FAT4: variants seen among roughly 807,000 people sequenced by gnomAD.
FAT4 encodes the protein protocadherin Fat 4.
FAT4 carries 84 observed loss-of-function variants against 303.9 expected under a neutral mutation model. The ratio of observed to expected loss-of-function variants is 0.28; its 90% confidence interval spans 0.23 to 0.33. The LOEUF is 0.33. Ranked by LOEUF, FAT4 falls within the 10% of genes least tolerant of loss-of-function variation. The probability of loss-of-function intolerance (pLI) is 1.00; values close to 1 mark genes in which losing one functional copy is unlikely to be tolerated. For missense variants in FAT4, 6,005 were observed against 6,146.8 expected (o/e 0.98, Z 0.77); for synonymous variants, 2,307 against 2,298.8 (o/e 1.00, Z -0.10).
chr4:125,455,349 A>T (rs1560620180), intron 10 of FAT4, among the ~76,000 whole-genome samples: 2 of 152,154 alleles, frequency 1.3e-5, no homozygotes, highest in Admixed American at 6.5e-5. Context: ...TCTTTGTTTC[A>T]TTTCATTTAA....
intron 9 of FAT4, 122 bp downstream of exon 9, chr4:125,446,665 T>A: frequency 9.8e-7 from 1 of 1,019,880 alleles, no homozygotes; most frequent in Non-Finnish European, 1.3e-6. Context: ...GCAAATCCTC[T>A]AAAATTCAGG....
At chr4:125,323,764 A>G (rs1212859135) in intron 2 of FAT4, among the ~76,000 whole-genome samples, 1 of 152,218 alleles carries the variant, frequency 6.6e-6, no homozygotes, top group Non-Finnish European at 1.5e-5. Flanking sequence ...AAAATAAGTT[A>G]TACATTTCCT....
chr4:125,385,989 T>C (rs1245740197), intron 2 of FAT4, among the ~76,000 whole-genome samples: 1 of 152,194 alleles, frequency 6.6e-6, no homozygotes, highest in Non-Finnish European at 1.5e-5. Flanking sequence ...ATTTTTCATA[T>C]TGAAAAATTT....
At chr4:125,371,932 T>A (rs1233270657) in intron 2 of FAT4, among the ~76,000 whole-genome samples, 1 of 152,080 alleles carries the variant, frequency 6.6e-6, no homozygotes, top group African/African-American at 2.4e-5. Flanking sequence ...AATCACATAC[T>A]CATTGTTGGC....
chr4:125,454,733 T>C (rs988427963), intron 10 of FAT4, among the ~76,000 whole-genome samples: 4 of 152,110 alleles, frequency 2.6e-5, no homozygotes, highest in South Asian at 4.2e-4. Flanking sequence ...CTCAGGAGAC[T>C]GAGGCAGAGG....
At chr4:125,393,915 C>A in intron 2 of FAT4, 1 of 779,236 alleles carries the variant, frequency 1.3e-6, no homozygotes. Context: ...TCAAGAAAGT[C>A]ATTCTTGTGA....
At chr4:125,338,803 T>A (rs944775550) in intron 2 of FAT4, among the ~76,000 whole-genome samples, 2 of 152,170 alleles carry the variant, frequency 1.3e-5, no homozygotes, top group African/African-American at 2.4e-5. Context: ...GAATTTTTTT[T>A]AATCTATGTG....
rs755113747 is a variant in FAT4, at chr4:125,385,022, A to AT, written c.5176-13761dup. 4.0e-4 allele frequency among the ~76,000 whole-genome samples: 32 copies of AT among 79,980 alleles called. No homozygotes were observed. The East Asian group carries it at 4.3e-3, about 11-fold the overall frequency. The allele number at this position is 79,980 out of a possible 152,430, so 52.5% of individuals were successfully genotyped here. A position where few individuals can be genotyped will look rare whatever the true frequency, so the allele number is the denominator to read the frequency against. On this transcript the variant is annotated intron_variant, in intron 2 of 17. Transcript: ENST00000394329. ...TATACATATATATATATATATATAT[A>AT]TATTTTTTTTTTTTTTGAGATGGAG...
chr4:125,477,043 A>G, intron 13 of FAT4, 112 bp from the exon 14 acceptor site: 2 of 778,286 alleles, frequency 2.6e-6, no homozygotes, highest in Non-Finnish European at 3.6e-6. Flanking sequence ...GAAATTTATC[A>G]CACTATAATA....
Position 125,452,738 on chromosome 4 carries a change from C to A in FAT4, c.11728C>A (p.Pro3910Thr), listed in dbSNP as rs1036467716. The A allele has an allele frequency of 5.6e-6, 9 of 1,613,928 alleles. No individual in the cohort carries two copies. The highest frequency in any genetic ancestry group is 7.6e-6 in the Non-Finnish European group (9 of 1,180,002). ...AGATATCAATGAGTGCCTGCAGAGTCCTTGCAAGAATGGTGCCATCTGCCA... is the reference window on the plus strand; with the variant it reads ...AGATATCAATGAGTGCCTGCAGAGTACTTGCAAGAATGGTGCCATCTGCCA... ...ERDINECLQS[P>T]CKNGAICQNF... The change falls in exon 10 of 18, where the codon CCT becomes ACT. Residue 3910 changes from proline to threonine, a missense_variant. Pro to Thr is a conservative substitution (Grantham distance 38, BLOSUM62 -1). Transcript: ENST00000394329.
intron 12 of FAT4, among the ~76,000 whole-genome samples, chr4:125,475,808 A>G (rs1727008039): frequency 6.6e-6 from 1 of 152,132 alleles, no homozygotes. Context: ...ACAGTACAAT[A>G]AACACGTTTC....
rs1234016779 is a variant in FAT4 at position 125,451,608 on chromosome 4, A to T, written c.10598A>T (p.Gln3533Leu). Reference sequence around the variant, plus strand: ...CCAGGCACTTTGGTGATGACCCTTCAGTCCACTGACCCTGATCTCCCTCCA... The same window carrying T: ...CCAGGCACTTTGGTGATGACCCTTCTGTCCACTGACCCTGATCTCCCTCCA... ...KRPGTLVMTL[Q>L]STDPDLPPNQ... Residue 3533 changes from glutamine to leucine, a missense_variant, in exon 10 of 18, where the codon CAG (glutamine) becomes CTG (leucine). Transcript: ENST00000394329. The T allele has an allele frequency of 2.5e-6, 4 of 1,614,016 alleles. No homozygotes were observed. Among genetic ancestry groups the T allele is most frequent in the Non-Finnish European group, 2.5e-6 (3 of 1,180,012 alleles).
intron 2 of FAT4, among the ~76,000 whole-genome samples, chr4:125,337,634 A>G (rs1367143013): frequency 6.6e-6 from 1 of 152,078 alleles, no homozygotes; most frequent in Non-Finnish European, 1.5e-5. Context: ...CTGTAACTAC[A>G]TTATATGTTA....
At chr4:125,344,178 A>G (rs926142827) in intron 2 of FAT4, among the ~76,000 whole-genome samples, 2 of 152,210 alleles carry the variant, frequency 1.3e-5, no homozygotes, top group African/African-American at 4.8e-5. Flanking sequence ...TGGATTTCGA[A>G]TAAGATTATC....
At position 125,319,198 on chromosome 4, in the gene FAT4, C is replaced by T. The variant is rs1730806684; in HGVS notation, c.2787C>T (p.Leu929=). 1.2e-6 allele frequency: 2 copies of T among 1,614,140 alleles called. No homozygotes were observed. Among genetic ancestry groups the T allele is most frequent in the Middle Eastern group, 1.6e-4 (1 of 6,062 alleles). ...ATGAAGGTGTCAATGGCATGGTACTCTATAGTCTGAAGCAAAACCCCAAGA... is the reference window on the plus strand; with the variant it reads ...ATGAAGGTGTCAATGGCATGGTACTTTATAGTCTGAAGCAAAACCCCAAGA... ...DPDEGVNGMV[L]YSLKQNPKNL... is the part of the protein sequence containing the mutation. Residue 929 remains leucine (L), a synonymous_variant, in exon 2 of 18, where the codon CTC becomes CTT. Transcript: ENST00000394329.
intron 5 of FAT4, among the ~76,000 whole-genome samples, chr4:125,412,561 C>T (rs1734886512): frequency 6.6e-6 from 1 of 151,734 alleles, no homozygotes; most frequent in Admixed American, 6.6e-5. Flanking sequence ...ATCTACCAAA[C>T]TTTTTGCCTT....
chr4:125,370,541 GTC>G (rs1422950451), intron 2 of FAT4, among the ~76,000 whole-genome samples: 12 of 152,256 alleles, frequency 7.9e-5, no homozygotes, highest in Admixed American at 7.8e-4. Flanking sequence ...AAAACAGTGT[GTC>G]TTGATGAAAG....
chr4:125,453,969 G>A (rs1726190598), intron 10 of FAT4, among the ~76,000 whole-genome samples: 1 of 152,116 alleles, frequency 6.6e-6, no homozygotes, highest in South Asian at 2.1e-4. Flanking sequence ...TTAATCAGTG[G>A]TTGATGTTCC....
At chr4:125,357,304 T>TTAG (rs1357053003) in intron 2 of FAT4, among the ~76,000 whole-genome samples, 17 of 152,108 alleles carry the variant, frequency 1.1e-4, no homozygotes, top group African/African-American at 3.1e-4. Context: ...TTTCATGAAT[T>TTAG]TAGGCAAATG....
Sources: gnomAD v4.1 joint callset for allele counts (sites outside exome capture counted in the v4.1 genomes callset) on GRCh38, gnomAD v4.1.1 for gene constraint, MANE v1.5 for transcripts, NCBI Gene and HGNC (gene_info 2026-07-23, HGNC 2026-07-21) for gene names.